The following MPO variants were observed in gnomAD, a reference collection of about 807,000 sequenced individuals.
MPO encodes myeloperoxidase.
A neutral mutation model predicts 69.4 loss-of-function variants in MPO; 57 were observed. That is an observed-to-expected ratio of 0.82 (90% CI 0.66 to 1.02). The LOEUF (loss-of-function observed/expected upper bound fraction) is 1.02. Among genes scored for constraint, MPO ranks in the 50% least tolerant of loss-of-function variants. The pLI is 0.00. For synonymous variants in MPO, 426 were observed against 417.1 expected (o/e 1.02, Z -0.26); for missense variants, 971 against 1,014.1 (o/e 0.96, Z 0.58).
Position 58,272,894 on chromosome 17 carries a change from C to A in MPO, c.1646G>T (p.Gly549Val). Residue 549 changes from glycine (G) to valine (V), a missense_variant, in exon 10 of 12, where the codon GGC (glycine) becomes GTC (valine). Transcript: ENST00000225275. ...CAGCTTGGCAGGGGTGGCCATGAGG[C>A]CCCGGAGGATGGGGTCAATGCCACC... is the stretch of plus-strand genomic sequence containing the variant. Reference protein sequence around the residue: ...LEGGIDPILRGLMATPAKLNR... With the variant: ...LEGGIDPILRVLMATPAKLNR... 2 of 1,614,106 alleles carry A rather than the reference C, an allele frequency of 1.2e-6. No homozygotes were observed. Among genetic ancestry groups the A allele is most frequent in the Non-Finnish European group, 1.7e-6 (2 of 1,180,030 alleles).
Position 58,279,623 on chromosome 17 carries a change from T to G in MPO, c.448A>C (p.Asn150His). 1.2e-6 allele frequency: 2 copies of G among 1,614,026 alleles called. No individual in the cohort carries two copies. The highest frequency in any genetic ancestry group is 1.7e-6 in the Non-Finnish European group (2 of 1,180,010). ...VTDVLTPAQL[N>H]VLSKSSGCAY... ...CAGCCGCTTGACTTGGACAACACAT[T>G]CAGCTGGGCGGGCGTCAGCACATCT... Residue 150 changes from asparagine (N) to histidine (H), a missense_variant, in exon 4 of 12, where the codon AAT (asparagine) becomes CAT (histidine). Coordinates refer to ENST00000225275, the MANE Select transcript of MPO (RefSeq NM_000250.2).
At chr17:58,274,568 C>A (rs1188870461) in intron 8 of MPO, among the ~76,000 whole-genome samples, 1 of 151,862 alleles carries the variant, frequency 6.6e-6, no homozygotes, top group Non-Finnish European at 1.5e-5. Flanking sequence ...GCCTGTAATC[C>A]CAGGGATTTG....
chr17:58,269,981 G>A lies in MPO; in HGVS notation c.*675C>T, dbSNP rs1173822652. On this transcript the variant is annotated 3_prime_UTR_variant, in exon 12 of 12. Transcript: ENST00000225275. ...GTGAATAAGCAAGAAATCAGGGTGA[G>A]GAAGAAAAAGGGGAGCCATGGCCTG... The A allele has an allele frequency of 6.5e-6, 1 of 154,506 alleles. No individual in the cohort carries two copies. The highest frequency in any genetic ancestry group is 2.4e-5 in the African/African-American group (1 of 41,460). 9.6% of individuals were successfully genotyped at this position (154,506 alleles called of 1,614,324 possible). A position where few individuals can be genotyped will look rare whatever the true frequency, so the allele number is the denominator to read the frequency against.
At chr17:58,277,515 T>A (rs1970453492) in intron 7 of MPO, among the ~76,000 whole-genome samples, 1 of 152,204 alleles carries the variant, frequency 6.6e-6, no homozygotes, top group African/African-American at 2.4e-5. Flanking sequence ...CCCTGAGGGA[T>A]TTGACTCTCT....
At chr17:58,273,770 C>T (rs759482016) in intron 8 of MPO, 101 bp from the exon 9 acceptor site, 54 of 1,558,440 alleles carry the variant, frequency 3.5e-5, no homozygotes, top group African/African-American at 6.8e-5. Context: ...CTCTTGGCTT[C>T]GGGGACCCCT....
chr17:58,279,659 A>C lies in MPO; in HGVS notation c.425-13T>G. On this transcript the variant is annotated splice_polypyrimidine_tract_variant and intron_variant, in intron 3 of 11. Coordinates refer to ENST00000225275, the MANE Select transcript of MPO (RefSeq NM_000250.2). ...GGCGTCAGCACATCTGCCGGGGGAA[A>C]GAACAATGGGGGAGCTGAGCCGCCT... 6.2e-7 allele frequency: 1 copy of C among 1,614,094 alleles called. No individual in the cohort carries two copies. Among genetic ancestry groups the C allele is most frequent in the Non-Finnish European group, 8.5e-7 (1 of 1,180,030 alleles).
At chr17:58,273,130 A>G (rs577253275) in intron 9 of MPO, among the ~76,000 whole-genome samples, 73 of 152,302 alleles carry the variant, frequency 4.8e-4, no homozygotes, top group African/African-American at 1.7e-3. Flanking sequence ...AGATTATGCC[A>G]TTCAGACTTG....
In MPO at chr17:58,273,526, G is replaced by T. The variant is rs1970394247; in HGVS notation, c.1509C>A (p.Thr503=). 1.9e-6 allele frequency: 3 copies of T among 1,614,222 alleles called. No homozygotes were observed. In the East Asian group the frequency reaches 6.7e-5, roughly 36 times the overall value. The part of the protein sequence containing the change: ...VFTNAFRYGH[T]LIQPFMFRLD... ...GGCGGAACATGAAGGGTTGGATGAG[G>T]GTGTGGCCGTAGCGGAAGGCATTGG... Residue 503 remains threonine (T), a synonymous_variant, in exon 9 of 12, where the codon ACC becomes ACA. Transcript: ENST00000225275.
At chr17:58,271,040 CAT>C (rs1970359554) in intron 11 of MPO, among the ~76,000 whole-genome samples, 177 bp from the exon 12 acceptor site, 1 of 152,188 alleles carries the variant, frequency 6.6e-6, no homozygotes, top group African/African-American at 2.4e-5. Context: ...ATGCTCCACT[CAT>C]CGTGCAGAGT....
In MPO at chr17:58,279,656, GA is replaced by G. The variant is rs1317980819; in HGVS notation, c.425-11del. The G allele has an allele frequency of 6.2e-7, 1 of 1,614,114 alleles. No individual in the cohort carries two copies. The highest frequency in any genetic ancestry group is 2.2e-5 in the East Asian group (1 of 44,880). On this transcript the variant is annotated splice_polypyrimidine_tract_variant and intron_variant, in intron 3 of 11. Coordinates refer to ENST00000225275, the MANE Select transcript of MPO (RefSeq NM_000250.2). ...GCGGGCGTCAGCACATCTGCCGGGG[GA>G]AAGAACAATGGGGGAGCTGAGCCGC... is the stretch of plus-strand genomic sequence containing the variant.
Position 58,278,129 on chromosome 17 carries a change from G to A in MPO, c.902C>T (p.Pro301Leu). The A allele has an allele frequency of 6.2e-7, 1 of 1,601,996 alleles. No individual in the cohort carries two copies. Among genetic ancestry groups the A allele is most frequent in the Non-Finnish European group, 8.5e-7 (1 of 1,179,930 alleles). The change falls in exon 7 of 12, where the codon CCC becomes CTC. Residue 301 changes from proline to leucine, a missense_variant. By Grantham distance (98) the Pro-to-Leu change is moderately conservative. Transcript: ENST00000225275. ...CFPLKIPPND[P>L]RIKNQADCIP... ...GCAGTCGGCTTGGTTCTTGATGCGG[G>A]GGTCATTGGGCGGGATCTGAGGCAC...
chr17:58,275,648 A>G lies in MPO; in HGVS notation c.1259T>C (p.Leu420Pro). Residue 420 changes from leucine (L) to proline (P), a missense_variant, in exon 8 of 12, where the codon CTT (leucine) becomes CCT (proline). Transcript: ENST00000225275. The surrounding 1 kb of genome is among the most constrained non-coding windows in gnomAD (Gnocchi z 4.1). ...PELTSMHTLL[L>P]REHNRLATEL... is the part of the protein sequence containing the mutation. Reference sequence around the variant, plus strand: ...TGTGGCCAGCCGGTTGTGCTCCCGAAGTAAGAGGGTGTGCATGGAGGTGAG... The same window carrying G: ...TGTGGCCAGCCGGTTGTGCTCCCGAGGTAAGAGGGTGTGCATGGAGGTGAG... 1 of 1,614,158 alleles carries G rather than the reference A, an allele frequency of 6.2e-7. No homozygotes were observed. The highest frequency in any genetic ancestry group is 1.1e-5 in the South Asian group (1 of 91,086).
chr17:58,277,897 G>A lies in MPO; in HGVS notation c.1134C>T (p.Pro378=). 1 of 1,611,166 alleles carries A rather than the reference G, an allele frequency of 6.2e-7. No homozygotes were observed. Among genetic ancestry groups the A allele is most frequent in the Non-Finnish European group, 8.5e-7 (1 of 1,180,034 alleles). The change falls in exon 7 of 12, where the codon CCC becomes CCT. Residue 378 remains proline, a synonymous_variant. Coordinates refer to ENST00000225275, the MANE Select transcript of MPO (RefSeq NM_000250.2). ...RFQDNGRALL[P]FDNLHDDPCL... ...AGGGGTCATCGTGCAGGTTGTCAAA[G>A]GGCAGCAGGGCCCGGCCGTTGTCTT...
At chr17:58,276,221 C>T (rs1265626380) in intron 7 of MPO, among the ~76,000 whole-genome samples, 1 of 152,216 alleles carries the variant, frequency 6.6e-6, no homozygotes, top group Non-Finnish European at 1.5e-5. Flanking sequence ...ACGATCACAG[C>T]ACTCTTTCCT....
In MPO at chr17:58,275,644, C is replaced by T; in HGVS notation, c.1263G>A (p.Arg421=). ...ELTSMHTLLL[R]EHNRLATELK... ...GCTCTGTGGCCAGCCGGTTGTGCTC[C>T]CGAAGTAAGAGGGTGTGCATGGAGG... The change falls in exon 8 of 12, where the codon CGG becomes CGA. Residue 421 remains arginine, a synonymous_variant. Transcript: ENST00000225275. The surrounding 1 kb of genome is among the most constrained non-coding windows in gnomAD (Gnocchi z 4.1). The T allele has an allele frequency of 6.2e-7, 1 of 1,614,170 alleles. No homozygotes were observed. The highest frequency in any genetic ancestry group is 8.5e-7 in the Non-Finnish European group (1 of 1,180,036).
In MPO at chr17:58,270,183, C is replaced by T. The variant is rs1567826027; in HGVS notation, c.*473G>A. ...CAGTGCCTTGCATGTAGTAGGTGCT[C>T]AATAAATGAAGAACCAGAGGATACA... On this transcript the variant is annotated 3_prime_UTR_variant, in exon 12 of 12. Coordinates refer to ENST00000225275, the MANE Select transcript of MPO (RefSeq NM_000250.2). The surrounding 1 kb of genome is among the most constrained non-coding windows in gnomAD (Gnocchi z 4.1). 2.0e-5 allele frequency: 6 copies of T among 295,810 alleles called. No individual in the cohort carries two copies. Among genetic ancestry groups the T allele is most frequent in the South Asian group, 1.7e-4 (5 of 29,990 alleles). The allele number at this position is 295,810 out of a possible 1,614,324, so 18.3% of individuals were successfully genotyped here.
intron 9 of MPO, 139 bp downstream of exon 9, chr17:58,273,275 C>G: frequency 7.3e-7 from 1 of 1,369,630 alleles, no homozygotes; most frequent in Non-Finnish European, 1.0e-6. Flanking sequence ...GTCAGAGGAA[C>G]TGAGGCTAGA....
Position 58,275,818 on chromosome 17 carries a change from C to T in MPO, c.1205-116G>A. On this transcript the variant is annotated intron_variant, in intron 7 of 11. Transcript: ENST00000225275. This position sits in a 1 kb window ranked among gnomAD's most constrained non-coding sequence, Gnocchi z 4.1. ...AATGCCTCCTACTCACCCCTCCTCC[C>T]CATCCATCTTTTCAAACTATCCCCA... 2 of 1,255,942 alleles carry T rather than the reference C, an allele frequency of 1.6e-6. No homozygotes were observed. The highest frequency in any genetic ancestry group is 1.1e-6 in the Non-Finnish European group (1 of 883,310). The allele number at this position is 1,255,942 out of a possible 1,614,324, so 77.8% of individuals were successfully genotyped here. A position where few individuals can be genotyped will look rare whatever the true frequency, so the allele number is the denominator to read the frequency against.
At chr17:58,271,437 C>T (rs1598038818) in intron 11 of MPO, among the ~76,000 whole-genome samples, 2 of 152,306 alleles carry the variant, frequency 1.3e-5, no homozygotes, top group African/African-American at 4.8e-5. Flanking sequence ...CTATCTTCCA[C>T]CCTTTACAAC....
Sources: gnomAD v4.1 joint callset for allele counts (sites outside exome capture counted in the v4.1 genomes callset) on GRCh38, gnomAD v4.1.1 for gene constraint, Gnocchi (gnomAD v3.1) non-coding constraint, MANE v1.5 for transcripts, NCBI Gene and HGNC (gene_info 2026-07-23, HGNC 2026-07-21) for gene names.